The following SLC24A3 variants were observed in gnomAD, a reference collection of about 807,000 sequenced individuals.
The protein encoded by SLC24A3 is sodium/potassium/calcium exchanger 3.
A neutral mutation model predicts 75.8 loss-of-function variants in SLC24A3; 28 were observed. The observed-to-expected ratio is 0.37, with a 90% CI of 0.27 to 0.51. SLC24A3 has a LOEUF of 0.51. Ranked by LOEUF, SLC24A3 falls within the 20% of genes least tolerant of loss-of-function variation. The probability of loss-of-function intolerance (pLI) is 0.94; values close to 1 mark genes in which losing one functional copy is unlikely to be tolerated. For missense variants in SLC24A3, 663 were observed against 847.8 expected (o/e 0.78, Z 2.71); for synonymous variants, 372 against 334.1 (o/e 1.11, Z -1.24).
At chr20:19,541,734 GA>G (rs1032135401) in intron 3 of SLC24A3, among the ~76,000 whole-genome samples, 3 of 152,158 alleles carry the variant, frequency 2.0e-5, no homozygotes, top group Non-Finnish European at 4.4e-5. Context: ...GCACTATTTT[GA>G]AAAAAGTCAG....
At chr20:19,687,086 G>C (rs1055788943) in intron 12 of SLC24A3, among the ~76,000 whole-genome samples, 2 of 152,196 alleles carry the variant, frequency 1.3e-5, no homozygotes, top group Admixed American at 6.5e-5. Flanking sequence ...TTAGCTTACA[G>C]TTCTGTAGGT....
At chr20:19,502,710 TC>T (rs917167849) in intron 2 of SLC24A3, among the ~76,000 whole-genome samples, 15 of 151,870 alleles carry the variant, frequency 9.9e-5, no homozygotes, top group Non-Finnish European at 2.1e-4. Context: ...TGAGCCACCA[TC>T]CATGAAGTCA....
At chr20:19,304,778 G>A (rs1053482695) in intron 2 of SLC24A3, among the ~76,000 whole-genome samples, 4 of 152,156 alleles carry the variant, frequency 2.6e-5, no homozygotes, top group African/African-American at 7.2e-5. Context: ...AGAAAAAATT[G>A]TTCCTAGAAA....
chr20:19,468,908 A>G (rs1242297287), intron 2 of SLC24A3, among the ~76,000 whole-genome samples: 2 of 152,176 alleles, frequency 1.3e-5, no homozygotes. Flanking sequence ...GTGCAGTAAA[A>G]GTAGGAAGGG....
At chr20:19,503,201 A>G (rs1988412832) in intron 2 of SLC24A3, among the ~76,000 whole-genome samples, 1 of 152,076 alleles carries the variant, frequency 6.6e-6, no homozygotes, top group Admixed American at 6.6e-5. Flanking sequence ...GTAACCCAAA[A>G]TCCTAGCTGG....
intron 6 of SLC24A3, among the ~76,000 whole-genome samples, chr20:19,639,682 G>A (rs1477944090): frequency 6.6e-6 from 1 of 152,252 alleles, no homozygotes; most frequent in South Asian, 2.1e-4. Flanking sequence ...GGAGCAGGGG[G>A]CGGCGCTCAA....
chr20:19,684,012 G>A (rs968974691), intron 10 of SLC24A3, among the ~76,000 whole-genome samples, 164 bp from the exon 11 acceptor site: 51 of 151,916 alleles, frequency 3.4e-4, no homozygotes, highest in Admixed American at 3.3e-3. Flanking sequence ...GTGGAAGGAA[G>A]GAAGAAATAA....
At chr20:19,532,452 C>T (rs537345795) in intron 3 of SLC24A3, among the ~76,000 whole-genome samples, 5 of 152,164 alleles carry the variant, frequency 3.3e-5, no homozygotes, top group African/African-American at 1.2e-4. Context: ...ACAGTGGGGC[C>T]CCATCTTGGA....
intron 3 of SLC24A3, among the ~76,000 whole-genome samples, chr20:19,555,069 G>A (rs993301046): frequency 7.2e-5 from 11 of 152,240 alleles, no homozygotes; most frequent in African/African-American, 2.4e-4. Context: ...TTGTGGTTTC[G>A]TAAAGCCAAC....
At chr20:19,295,222 C>G (rs538937125) in intron 2 of SLC24A3, among the ~76,000 whole-genome samples, 1 of 152,280 alleles carries the variant, frequency 6.6e-6, no homozygotes, top group East Asian at 1.9e-4. Context: ...TTTCCTGAGA[C>G]TTTGCTGATG....
intron 12 of SLC24A3, among the ~76,000 whole-genome samples, chr20:19,692,948 CTT>C (rs911336298): frequency 1.3e-5 from 2 of 152,118 alleles, no homozygotes; most frequent in African/African-American, 4.8e-5. Context: ...ATCCTCCTCT[CTT>C]TTCCCACCTG....
chr20:19,405,869 A>C (rs950200748), intron 2 of SLC24A3, among the ~76,000 whole-genome samples: 1 of 152,238 alleles, frequency 6.6e-6, no homozygotes, highest in Non-Finnish European at 1.5e-5. Context: ...CTTTGGGTAA[A>C]ATAATGAAAC....
intron 2 of SLC24A3, among the ~76,000 whole-genome samples, chr20:19,502,520 A>G (rs561650244): frequency 6.6e-6 from 1 of 152,256 alleles, no homozygotes; most frequent in South Asian, 2.1e-4. Context: ...GACTAAGGGC[A>G]CACTTAAAAC....
intron 1 of SLC24A3, among the ~76,000 whole-genome samples, chr20:19,240,277 A>AT (rs1359348828): frequency 6.6e-6 from 1 of 152,210 alleles, no homozygotes; most frequent in Non-Finnish European, 1.5e-5. Context: ...CTTGTGAGCC[A>AT]TTGCAGCCTC....
intron 2 of SLC24A3, among the ~76,000 whole-genome samples, chr20:19,443,282 T>C (rs553755011): frequency 6.6e-6 from 1 of 152,288 alleles, no homozygotes; most frequent in South Asian, 2.1e-4. Context: ...AAAACTGATA[T>C]CCTAACAATA....
chr20:19,261,857 AG>A (rs1306431232), intron 1 of SLC24A3: 5 of 152,238 alleles, frequency 3.3e-5, no homozygotes, highest in Admixed American at 6.5e-5. Flanking sequence ...CTGACATATA[AG>A]TCATGAGGCT....
chr20:19,585,066 G>A lies in SLC24A3; in HGVS notation c.508+11G>A, dbSNP rs766971258. On this transcript the variant is annotated intron_variant, in intron 5 of 16. Transcript: ENST00000328041. ...TCACATCGGTCATAGGTAGGTGACAGACTGAGGGACATCTCAGACCTTCAC... is the reference window on the plus strand; with the variant it reads ...TCACATCGGTCATAGGTAGGTGACAAACTGAGGGACATCTCAGACCTTCAC... 9 of 1,605,892 alleles carry A rather than the reference G, an allele frequency of 5.6e-6. No homozygotes were observed. In the South Asian group the frequency reaches 8.8e-5, roughly 16 times the overall value.
chr20:19,716,974 A>C (rs2033052314), intron 15 of SLC24A3, among the ~76,000 whole-genome samples: 2 of 152,194 alleles, frequency 1.3e-5, no homozygotes, highest in Non-Finnish European at 2.9e-5. Context: ...CTTTACTAAC[A>C]TCAGAAATGG....
At chr20:19,342,508 GA>G (rs1264419135) in intron 2 of SLC24A3, among the ~76,000 whole-genome samples, 1 of 152,196 alleles carries the variant, frequency 6.6e-6, no homozygotes, top group Non-Finnish European at 1.5e-5. Flanking sequence ...TGGAATATGG[GA>G]AACTCATTAT....
Sources: gnomAD v4.1 joint callset for allele counts (sites outside exome capture counted in the v4.1 genomes callset) on GRCh38, gnomAD v4.1.1 for gene constraint, MANE v1.5 for transcripts, NCBI Gene and HGNC (gene_info 2026-07-23, HGNC 2026-07-21) for gene names.